The following TENM4 variants were observed in gnomAD, a reference collection of about 807,000 sequenced individuals.
TENM4 encodes teneurin transmembrane protein 4, also known as teneurin-4.
In TENM4, 82 loss-of-function variants were observed where a neutral mutation model predicts 243.3. The ratio of observed to expected loss-of-function variants is 0.34; its 90% CI spans 0.28 to 0.40. The LOEUF is 0.40. Among genes scored for constraint, TENM4 ranks in the 10% least tolerant of loss-of-function variants. The pLI is 1.00. For missense variants in TENM4, 3,138 were observed against 3,673.3 expected, an observed-to-expected ratio of 0.85 and a Z score of 3.77; for synonymous variants, 1,412 against 1,456.3, an observed-to-expected ratio of 0.97 and a Z score of 0.69.
At chr11:79,085,745 G>GTCACTATT (rs61530266) in intron 4 of TENM4, among the ~76,000 whole-genome samples, 1 of 151,382 alleles carries the variant, frequency 6.6e-6, no homozygotes, top group Non-Finnish European at 1.5e-5. Context: ...TTTGGCTAAT[G>GTCACTATT]TAAAACACCA....
intron 3 of TENM4, among the ~76,000 whole-genome samples, chr11:79,175,133 C>T (rs750651906): frequency 1.3e-5 from 2 of 152,242 alleles, no homozygotes; most frequent in South Asian, 4.2e-4. Context: ...CATATTGGAC[C>T]GTCAAACCTG....
intron 6 of TENM4, among the ~76,000 whole-genome samples, chr11:78,928,014 C>T (rs1231165088): frequency 6.6e-6 from 1 of 152,166 alleles, no homozygotes; most frequent in East Asian, 1.9e-4. Flanking sequence ...ACCACCAAAC[C>T]CACATCTCCC....
chr11:79,027,985 G>C (rs748588439), intron 6 of TENM4, among the ~76,000 whole-genome samples: 4 of 152,152 alleles, frequency 2.6e-5, no homozygotes, highest in Non-Finnish European at 4.4e-5. Flanking sequence ...CTAGCACATG[G>C]AAGAACCTCA....
chr11:79,421,577 G>T (rs183469800), intron 1 of TENM4, among the ~76,000 whole-genome samples: 1,609 of 152,196 alleles, frequency 0.011, 10 homozygotes, highest in Middle Eastern at 0.034. Context: ...TTCTAACGGG[G>T]TTTTCACACA....
Position 79,069,739 on chromosome 11 carries a change from T to A in TENM4, c.206A>T (p.Glu69Val). Residue 69 changes from glutamate (E) to valine (V), a missense_variant, in exon 5 of 34, where the codon GAG (glutamate) becomes GTG (valine). By Grantham distance (121) the Glu-to-Val change is moderately radical. This residue lies in a region of TENM4 where 671 missense variants were observed against 614.1 expected (regional missense o/e 1.09). Transcript: ENST00000278550. ...GTCCTTACCTGTGCGGCAGAATTCC[T>A]CGGCCTCCTGCGGCACAATGTCCTT... is the stretch of plus-strand genomic sequence containing the variant. ...RVKDIVPQEA[E>V]EFCRTGANFT... 1 of 1,550,776 alleles carries A rather than the reference T, an allele frequency of 6.4e-7. No individual in the cohort carries two copies. Among genetic ancestry groups the A allele is most frequent in the Non-Finnish European group, 8.7e-7 (1 of 1,146,876 alleles).
At chr11:78,828,469 T>C (rs1857906915) in intron 12 of TENM4, among the ~76,000 whole-genome samples, 2 of 152,374 alleles carry the variant, frequency 1.3e-5, no homozygotes, top group African/African-American at 4.8e-5. Context: ...GCAAGATGGA[T>C]AAATTCTCAG....
At position 79,169,467 on chromosome 11, in the gene TENM4, C is replaced by T. The variant is rs188311058; in HGVS notation, c.-162-20661G>A. 1.6e-4 allele frequency among the ~76,000 whole-genome samples: 24 copies of T among 152,238 alleles called. No homozygotes were observed. In the East Asian group the frequency reaches 4.6e-3, roughly 29 times the overall value. On this transcript the variant is annotated intron_variant, in intron 3 of 33. Transcript: ENST00000278550. ...ATTGGCAGTGGGAACAGACTCAGGT[C>T]TTGGAATCCTTCCTCTTCCCCCAAG...
intron 2 of TENM4, among the ~76,000 whole-genome samples, chr11:79,262,118 G>C (rs566303343): frequency 2.0e-5 from 3 of 152,196 alleles, no homozygotes; most frequent in Non-Finnish European, 4.4e-5. Context: ...TCACGTGCCA[G>C]GCGCCACCTG....
At position 78,889,772 on chromosome 11, in the gene TENM4, A is replaced by G. The variant is rs765899349; in HGVS notation, c.1084+13T>C. 134 of 1,551,520 alleles carry G rather than the reference A, an allele frequency of 8.6e-5. No individual in the cohort carries two copies. The East Asian group carries it at 1.7e-3, about 20-fold the overall frequency. On this transcript the variant is annotated intron_variant, in intron 9 of 33. Coordinates refer to ENST00000278550, the MANE Select transcript of TENM4 (RefSeq NM_001098816.3). Reference sequence around the variant, plus strand: ...AAGAGGAGCAAGGGGAGCTGGGGTGAAGAGGTGCTTACCCACAAAGTATGC... The same window carrying G: ...AAGAGGAGCAAGGGGAGCTGGGGTGGAGAGGTGCTTACCCACAAAGTATGC...
chr11:79,422,351 C>G (rs551341535), intron 1 of TENM4: 1 of 151,956 alleles, frequency 6.6e-6, no homozygotes. Flanking sequence ...TAAGAAAGAC[C>G]AGAGTTTGAA....
intron 3 of TENM4, among the ~76,000 whole-genome samples, chr11:79,212,205 G>C (rs1334988368): frequency 6.6e-6 from 1 of 152,160 alleles, no homozygotes; most frequent in Non-Finnish European, 1.5e-5. Flanking sequence ...GTAGCAGATG[G>C]TCAATGCTTA....
At chr11:79,186,668 G>A (rs974616750) in intron 3 of TENM4, among the ~76,000 whole-genome samples, 2 of 152,206 alleles carry the variant, frequency 1.3e-5, no homozygotes, top group African/African-American at 4.8e-5. Context: ...AATATTGGGG[G>A]ATTGGGTAGG....
Position 78,729,637 on chromosome 11 carries a change from G to A in TENM4, c.3145C>T (p.Gln1049Ter). 1 of 1,608,130 alleles carries A rather than the reference G, an allele frequency of 6.2e-7. No homozygotes were observed. Residue 1049 changes from glutamine (Q) to a stop codon, truncating the protein, a stop_gained, in exon 22 of 34, where the codon CAG becomes TAG. Transcript: ENST00000278550. LOFTEE classifies it high-confidence loss of function. ...GPIVPEIQAL[Q>*]EEISISGCKM... ...CAGCCAGAGATAGAGATTTCCTCCT[G>A]CAAAGCCTAGAAAGCAGAGGCAGAT...
chr11:79,069,806 C>A lies in TENM4; in HGVS notation c.139G>T (p.Ala47Ser). The change falls in exon 5 of 34, where the codon GCC becomes TCC. Residue 47 changes from alanine (A) to serine (S), a missense_variant. Ala to Ser is a moderately conservative substitution (Grantham distance 99, BLOSUM62 1). Coordinates refer to ENST00000278550, the MANE Select transcript of TENM4 (RefSeq NM_001098816.3). ...GCTAGGCGGGCGTCCTGGTCGTAGG[C>A]CTTCAGGGTCTCGCTGGAGCTGTAC... Reference protein sequence around the residue: ...KSYSSSETLKAYDQDARLAYG... With the variant: ...KSYSSSETLKSYDQDARLAYG... 1 of 1,551,246 alleles carries A rather than the reference C, an allele frequency of 6.4e-7. No individual in the cohort carries two copies. The highest frequency in any genetic ancestry group is 2.4e-5 in the East Asian group (1 of 40,908).
chr11:78,911,945 T>C (rs560934227), intron 6 of TENM4, among the ~76,000 whole-genome samples: 1 of 152,284 alleles, frequency 6.6e-6, no homozygotes, highest in African/African-American at 2.4e-5. Flanking sequence ...CCCTCCAGGA[T>C]ACAACAATTT....
chr11:79,213,477 G>A (rs1863990278), intron 3 of TENM4, among the ~76,000 whole-genome samples: 1 of 152,222 alleles, frequency 6.6e-6, no homozygotes, highest in South Asian at 2.1e-4. Context: ...TTAAGCAGAA[G>A]AGGGGCCCAG....
intron 6 of TENM4, among the ~76,000 whole-genome samples, chr11:79,020,399 G>T (rs938913567): frequency 6.6e-6 from 1 of 152,108 alleles, no homozygotes; most frequent in Non-Finnish European, 1.5e-5. Flanking sequence ...TAATGAAAAG[G>T]TTATCTCTAC....
chr11:79,287,591 C>G (rs1271060021), intron 2 of TENM4, among the ~76,000 whole-genome samples: 5 of 152,252 alleles, frequency 3.3e-5, no homozygotes, highest in Non-Finnish European at 5.9e-5. Context: ...CTATATTATA[C>G]TCCTGGTTCC....
intron 18 of TENM4, among the ~76,000 whole-genome samples, chr11:78,766,241 C>T (rs750943773): frequency 6.6e-6 from 1 of 152,170 alleles, no homozygotes; most frequent in African/African-American, 2.4e-5. Context: ...TGTTGCCTCT[C>T]AGGGCCTTTC....
Sources: allele counts gnomAD v4.1 joint callset (sites outside exome capture counted in the v4.1 genomes callset), GRCh38; gene constraint gnomAD v4.1.1; regional missense constraint gnomAD v4.1.1; transcripts MANE v1.5; gene names NCBI Gene and HGNC (gene_info 2026-07-23, HGNC 2026-07-21).